Variants in MACROD2 observed in about 807,000 individuals in gnomAD.
The protein encoded by MACROD2 is mono-ADP ribosylhydrolase 2.
MACROD2 carries 36 observed loss-of-function variants against 70.4 expected under a neutral mutation model. That is an observed-to-expected ratio of 0.51 (90% CI 0.39 to 0.68). The LOEUF (loss-of-function observed/expected upper bound fraction) is 0.68. Among genes scored for constraint, MACROD2 ranks in the 30% least tolerant of loss-of-function variants. The probability of loss-of-function intolerance (pLI) is 0.00; values close to 1 mark genes in which losing one functional copy is unlikely to be tolerated. For missense variants in MACROD2, 496 were observed against 538.4 expected, an observed-to-expected ratio of 0.92 and a Z score of 0.78; for synonymous variants, 172 against 178.8, an observed-to-expected ratio of 0.96 and a Z score of 0.30.
chr20:14,265,268 C>T (rs2082134561), intron 3 of MACROD2, among the ~76,000 whole-genome samples: 1 of 152,018 alleles, frequency 6.6e-6, no homozygotes, highest in Admixed American at 6.6e-5. Flanking sequence ...AAAAGAGTCC[C>T]CAGGTGTGAG....
intron 4 of MACROD2, among the ~76,000 whole-genome samples, chr20:14,570,368 A>G (rs1980106891): frequency 6.6e-6 from 1 of 151,970 alleles, no homozygotes; most frequent in African/African-American, 2.4e-5. Flanking sequence ...AGTAATGACA[A>G]GAAGAGGACC....
At chr20:14,784,232 G>GT (rs2072336403) in intron 5 of MACROD2, among the ~76,000 whole-genome samples, 1 of 152,064 alleles carries the variant, frequency 6.6e-6, no homozygotes, top group Non-Finnish European at 1.5e-5. Context: ...TTCCTTTGCT[G>GT]TTTTTGCTGT....
At chr20:14,868,929 C>T (rs991161133) in intron 5 of MACROD2, among the ~76,000 whole-genome samples, 1 of 152,082 alleles carries the variant, frequency 6.6e-6, no homozygotes, top group Non-Finnish European at 1.5e-5. Context: ...CAAGGACTAT[C>T]GTTGATACAG....
chr20:14,794,410 G>A (rs188774497), intron 5 of MACROD2, among the ~76,000 whole-genome samples: 4 of 152,210 alleles, frequency 2.6e-5, no homozygotes, highest in African/African-American at 9.6e-5. Context: ...AACACCTAAT[G>A]TGGGAAATTA....
intron 8 of MACROD2, among the ~76,000 whole-genome samples, chr20:15,659,302 AGCTTTTT>A: frequency 8.1e-6 from 1 of 124,140 alleles, no homozygotes; most frequent in African/African-American, 3.0e-5. Flanking sequence ...AAGATAGCAC[AGCTTTTT>A]TTTTTTTTTT....
At chr20:14,285,067 C>G (rs2082333229) in intron 3 of MACROD2, among the ~76,000 whole-genome samples, 1 of 150,062 alleles carries the variant, frequency 6.7e-6, no homozygotes, top group South Asian at 2.1e-4. Context: ...CAGATTCTCT[C>G]TATTGCACAG....
At chr20:14,911,357 C>T (rs2074025280) in intron 5 of MACROD2, among the ~76,000 whole-genome samples, 1 of 151,948 alleles carries the variant, frequency 6.6e-6, no homozygotes, top group Non-Finnish European at 1.5e-5. Context: ...CTATCAATGG[C>T]TAGAGCAAGG....
chr20:15,464,162 C>T (rs759647933), intron 7 of MACROD2, among the ~76,000 whole-genome samples: 210 of 152,274 alleles, frequency 1.4e-3, no homozygotes, highest in Middle Eastern at 0.01. Flanking sequence ...AATCCGCATG[C>T]GCCACCATGC....
chr20:15,680,998 G>T (rs1451298601), intron 8 of MACROD2, among the ~76,000 whole-genome samples: 1 of 152,166 alleles, frequency 6.6e-6, no homozygotes, highest in Admixed American at 6.6e-5. Flanking sequence ...ATTTTTAGGA[G>T]AAAGAAAAGT....
intron 3 of MACROD2, among the ~76,000 whole-genome samples, chr20:14,207,982 T>A (rs1212375074): frequency 6.6e-6 from 1 of 152,220 alleles, no homozygotes; most frequent in South Asian, 2.1e-4. Flanking sequence ...AATTGTCTTC[T>A]TTTTTCCTTT....
At chr20:14,352,298 G>A (rs2083130312) in intron 3 of MACROD2, 1 of 152,084 alleles carries the variant, frequency 6.6e-6, no homozygotes, top group African/African-American at 2.4e-5. Context: ...AAGATTGTGA[G>A]CAAGTTTTGA....
intron 5 of MACROD2, among the ~76,000 whole-genome samples, chr20:15,073,180 C>T (rs568838480): frequency 6.6e-6 from 1 of 152,038 alleles, no homozygotes; most frequent in African/African-American, 2.4e-5. Context: ...AAAAAATGGA[C>T]TAAGATACCC....
At chr20:15,809,616 G>C (rs2063799359) in intron 8 of MACROD2, among the ~76,000 whole-genome samples, 1 of 152,116 alleles carries the variant, frequency 6.6e-6, no homozygotes, top group South Asian at 2.1e-4. Flanking sequence ...TGAGAACCCA[G>C]TTGTTACAAT....
intron 5 of MACROD2, among the ~76,000 whole-genome samples, chr20:15,148,892 C>T (rs1405684666): frequency 6.6e-6 from 1 of 151,994 alleles, no homozygotes; most frequent in East Asian, 1.9e-4. Flanking sequence ...TCACTGAATA[C>T]TAAGAGCCTG....
intron 3 of MACROD2, among the ~76,000 whole-genome samples, chr20:14,328,534 C>A (rs1247112835): frequency 6.6e-6 from 1 of 151,940 alleles, no homozygotes; most frequent in South Asian, 2.1e-4. Context: ...TATTAATTAG[C>A]CTTTGTAATT....
At chr20:15,802,263 T>G (rs1439480685) in intron 8 of MACROD2, among the ~76,000 whole-genome samples, 1 of 152,204 alleles carries the variant, frequency 6.6e-6, no homozygotes, top group Non-Finnish European at 1.5e-5. Context: ...AAAGTCATCT[T>G]CCTATTGTTC....
Position 16,052,713 on chromosome 20 carries a change from CTCTTTGTGAATTAATACAGT to C in MACROD2, c.*2841_*2860del, listed in dbSNP as rs1363449747. 6.6e-6 allele frequency: 1 copy of C among 152,592 alleles called. No individual in the cohort carries two copies. The highest frequency in any genetic ancestry group is 1.5e-5 in the Non-Finnish European group (1 of 68,034). The allele number at this position is 152,592 out of a possible 1,614,324, so 9.5% of individuals were successfully genotyped here. On this transcript the variant is annotated 3_prime_UTR_variant, in exon 18 of 18. Transcript: ENST00000684519. ...ATCTTTCTATGAAACACTGAAAAGC[CTCTTTGTGAATTAATACAGT>C]TCTGCTTGATGCACTTGATTTGAAA...
chr20:15,799,682 A>G (rs1428953474), intron 8 of MACROD2, among the ~76,000 whole-genome samples: 5 of 152,208 alleles, frequency 3.3e-5, no homozygotes, highest in African/African-American at 1.2e-4. Flanking sequence ...TTATTTATCC[A>G]TTCATTCGTT....
At chr20:14,179,783 A>G (rs2081291888) in intron 3 of MACROD2, among the ~76,000 whole-genome samples, 1 of 152,160 alleles carries the variant, frequency 6.6e-6, no homozygotes, top group Non-Finnish European at 1.5e-5. Flanking sequence ...AGAGCATTTT[A>G]AAAAGACTCA....
Sources: gnomAD v4.1 joint callset for allele counts (sites outside exome capture counted in the v4.1 genomes callset) on GRCh38, gnomAD v4.1.1 for gene constraint, MANE v1.5 for transcripts, NCBI Gene and HGNC (gene_info 2026-07-23, HGNC 2026-07-21) for gene names.